LRIG2: variants seen among roughly 807,000 people sequenced by gnomAD.
The protein encoded by LRIG2 is leucine-rich repeats and immunoglobulin-like domains protein 2.
A neutral mutation model predicts 107.8 loss-of-function variants in LRIG2; 93 were observed. The ratio of observed to expected loss-of-function variants is 0.86; its 90% confidence interval spans 0.73 to 1.03. The LOEUF (loss-of-function observed/expected upper bound fraction) is 1.03, where lower values mean the gene tolerates loss of function less well. Ranked by LOEUF, LRIG2 falls within the 50% of genes least tolerant of loss-of-function variation. LRIG2 has a pLI of 0.00. For missense variants in LRIG2, 1,226 were observed against 1,296.0 expected (o/e 0.95, Z 0.83); for synonymous variants, 471 against 470.6 (o/e 1.00, Z -0.01).
chr1:113,086,681 T>G (rs1253246157), intron 1 of LRIG2, among the ~76,000 whole-genome samples: 1 of 152,164 alleles, frequency 6.6e-6, no homozygotes, highest in Non-Finnish European at 1.5e-5. Flanking sequence ...AATTTACCCC[T>G]GATGGTACTA....
intron 16 of LRIG2, among the ~76,000 whole-genome samples, chr1:113,116,909 A>G (rs1655042354): frequency 6.6e-6 from 1 of 152,280 alleles, no homozygotes; most frequent in East Asian, 1.9e-4. Flanking sequence ...CAGGAGTTCG[A>G]GGCTGTATTG....
At chr1:113,083,967 C>A (rs566358315) in intron 1 of LRIG2, among the ~76,000 whole-genome samples, 4 of 147,964 alleles carry the variant, frequency 2.7e-5, no homozygotes, top group South Asian at 2.2e-4. Flanking sequence ...CAAACCTGCA[C>A]GTTGTGCACA....
Position 113,116,316 on chromosome 1 carries a change from A to G in LRIG2, c.2560A>G (p.Ser854Gly). Residue 854 changes from serine to glycine, a missense_variant, in exon 16 of 18, where the codon AGC becomes GGC. Coordinates refer to ENST00000361127, the MANE Select transcript of LRIG2 (RefSeq NM_014813.3). The stretch of plus-strand genomic sequence containing the variant: ...GCTCAATCTGCCTGCAGACATTCCC[A>G]GCTACTTGTCTTCCCAAGGAACGCT... ...EELNLPADIP[S>G]YLSSQGTLSE... 1 of 1,613,866 alleles carries G rather than the reference A, an allele frequency of 6.2e-7. No homozygotes were observed. The highest frequency in any genetic ancestry group is 1.1e-5 in the South Asian group (1 of 91,014).
intron 8 of LRIG2, among the ~76,000 whole-genome samples, chr1:113,097,085 G>T (rs1047000872): frequency 2.6e-5 from 4 of 151,896 alleles, no homozygotes; most frequent in Admixed American, 1.3e-4. Flanking sequence ...GGATTAGATG[G>T]TTGCTAAAGG....
chr1:113,119,277 G>A lies in LRIG2; in HGVS notation c.2725G>A (p.Ala909Thr), dbSNP rs1233827539. 2.5e-6 allele frequency: 4 copies of A among 1,613,940 alleles called. No individual in the cohort carries two copies. Among genetic ancestry groups the A allele is most frequent in the Non-Finnish European group, 3.4e-6 (4 of 1,179,996 alleles). ...RVICSDCYDN[A>T]NIYSRTREYC... ...GATTTGCTCAGATTGTTATGACAAT[G>A]CCAACATCTACTCCAGGACCCGAGA... The change falls in exon 17 of 18, where the codon GCC becomes ACC. Residue 909 changes from alanine (A) to threonine (T), a missense_variant. Physicochemically the swap from Ala to Thr is moderately conservative, Grantham distance 58 (BLOSUM62 0). This residue lies in a region of LRIG2 where 642 missense variants were observed against 712.2 expected (regional missense o/e 0.90). Transcript: ENST00000361127.
At chr1:113,075,682 G>A (rs1317909770) in intron 1 of LRIG2, among the ~76,000 whole-genome samples, 1 of 144,868 alleles carries the variant, frequency 6.9e-6, no homozygotes, top group Non-Finnish European at 1.5e-5. Flanking sequence ...TGGAATGAAT[G>A]TGGCCTATAC....
At chr1:113,089,698 T>TTTTTG (rs1351949299) in intron 1 of LRIG2, among the ~76,000 whole-genome samples, 11 of 144,590 alleles carry the variant, frequency 7.6e-5, no homozygotes, top group East Asian at 4.0e-4. Context: ...TTTTTTTTTT[T>TTTTTG]GGAGACAGAG....
At chr1:113,118,787 C>T (rs1010034996) in intron 16 of LRIG2, among the ~76,000 whole-genome samples, 1 of 152,100 alleles carries the variant, frequency 6.6e-6, no homozygotes, top group African/African-American at 2.4e-5. Flanking sequence ...GCCTCAGCCT[C>T]CCGAGTAGCT....
At chr1:113,105,053 G>C (rs1213311726) in intron 11 of LRIG2, among the ~76,000 whole-genome samples, 1 of 152,124 alleles carries the variant, frequency 6.6e-6, no homozygotes, top group African/African-American at 2.4e-5. Flanking sequence ...GGCTGAGGCA[G>C]GAGAATTGCT....
intron 1 of LRIG2, 128 bp from the exon 2 acceptor site, chr1:113,091,190 C>G: frequency 1.9e-6 from 1 of 519,778 alleles, no homozygotes; most frequent in South Asian, 3.4e-5. Flanking sequence ...TCCCCAAGTG[C>G]CAGGATTACA....
chr1:113,083,099 C>T (rs1280236293), intron 1 of LRIG2, among the ~76,000 whole-genome samples: 1 of 151,828 alleles, frequency 6.6e-6, no homozygotes, highest in African/African-American at 2.4e-5. Context: ...TTTATAGAGA[C>T]AGGGTCTCGC....
In LRIG2 at chr1:113,114,680, C is replaced by A. The variant is rs1309461406; in HGVS notation, c.2334C>A (p.His778Gln). ...MSNTLGTERG[H>Q]IYLNVISSPN... ...ACACCCTTGGGACAGAACGTGGCCA[C>A]ATTTACCTAAATGTCATTTCATCCC... The change falls in exon 15 of 18, where the codon CAC becomes CAA. Residue 778 changes from histidine (H) to glutamine (Q), a missense_variant. His to Gln is a conservative substitution (Grantham distance 24). Coordinates refer to ENST00000361127, the MANE Select transcript of LRIG2 (RefSeq NM_014813.3). 6.2e-7 allele frequency: 1 copy of A among 1,614,016 alleles called. No individual in the cohort carries two copies. Among genetic ancestry groups the A allele is most frequent in the Non-Finnish European group, 8.5e-7 (1 of 1,180,046 alleles).
At chr1:113,077,269 C>T (rs1013930062) in intron 1 of LRIG2, among the ~76,000 whole-genome samples, 6 of 151,886 alleles carry the variant, frequency 4.0e-5, no homozygotes, top group African/African-American at 9.7e-5. Flanking sequence ...CTCAGCTTCC[C>T]GAGTAGGGAT....
chr1:113,102,877 A>G (rs1466040682), intron 11 of LRIG2, among the ~76,000 whole-genome samples: 1 of 152,200 alleles, frequency 6.6e-6, no homozygotes, highest in Non-Finnish European at 1.5e-5. Flanking sequence ...TATGAAAATC[A>G]TCATAGTTAT....
intron 9 of LRIG2, among the ~76,000 whole-genome samples, chr1:113,099,991 TTAA>T (rs1394817004): frequency 6.6e-5 from 10 of 152,224 alleles, no homozygotes; most frequent in African/African-American, 2.4e-4. Flanking sequence ...TTTGCATTGA[TTAA>T]TAATTAAATT....
At chr1:113,115,530 T>TA (rs200327196) in intron 15 of LRIG2, among the ~76,000 whole-genome samples, 183 of 4,002 alleles carry the variant, frequency 0.046, 3 homozygotes, top group African/African-American at 0.11. Flanking sequence ...AATTTGTAAA[T>TA]TTTTTTTTTT....
Position 113,112,712 on chromosome 1 carries a change from C to G in LRIG2, c.2032C>G (p.Gln678Glu). The G allele has an allele frequency of 1.2e-6, 2 of 1,610,814 alleles. No individual in the cohort carries two copies. Among genetic ancestry groups the G allele is most frequent in the Non-Finnish European group, 1.7e-6 (2 of 1,177,108 alleles). Reference sequence around the variant, plus strand: ...TATGGGAATCTATAGCTGCATGGCACAAAATACAGCAGGAGGTCTCTCAGC... The same window carrying G: ...TATGGGAATCTATAGCTGCATGGCAGAAAATACAGCAGGAGGTCTCTCAGC... ...EDMGIYSCMA[Q>E]NTAGGLSANA... Residue 678 changes from glutamine to glutamate, a missense_variant, in exon 14 of 18, where the codon CAA becomes GAA. Transcript: ENST00000361127.
rs1289479877 is a variant in LRIG2, at chr1:113,126,564, T to G, written c.*2463T>G. ...CAGCCTTCCATTATTAAGGATAAAA[T>G]TGATCCCTACATTGAATCTGAAATT... On this transcript the variant is annotated 3_prime_UTR_variant, in exon 18 of 18. Coordinates refer to ENST00000361127, the MANE Select transcript of LRIG2 (RefSeq NM_014813.3). 6.6e-6 allele frequency: 1 copy of G among 152,244 alleles called. No homozygotes were observed. Among genetic ancestry groups the G allele is most frequent in the Non-Finnish European group, 1.5e-5 (1 of 68,038 alleles). The allele number at this position is 152,244 out of a possible 1,614,324, so 9.4% of individuals were successfully genotyped here. A position where few individuals can be genotyped will look rare whatever the true frequency, so the allele number is the denominator to read the frequency against.
Position 113,119,381 on chromosome 1 carries a change from A to G in LRIG2, c.2829A>G (p.Lys943=). The G allele has an allele frequency of 6.2e-7, 1 of 1,614,030 alleles. No individual in the cohort carries two copies. The highest frequency in any genetic ancestry group is 8.5e-7 in the Non-Finnish European group (1 of 1,180,028). Residue 943 remains lysine, a synonymous_variant, in exon 17 of 18, where the codon AAA becomes AAG. Transcript: ENST00000361127. The part of the protein sequence containing the change: ...TLSSLMVQMP[K]ETYLVHPPQD... Reference sequence around the variant, plus strand: ...CCAGCCTCATGGTCCAAATGCCTAAAGAGACATATTTAGTACATCCTCCCC... The same window carrying G: ...CCAGCCTCATGGTCCAAATGCCTAAGGAGACATATTTAGTACATCCTCCCC...
Sources: allele counts gnomAD v4.1 joint callset (sites outside exome capture counted in the v4.1 genomes callset), GRCh38; gene constraint gnomAD v4.1.1; regional missense constraint gnomAD v4.1.1; transcripts MANE v1.5; gene names NCBI Gene and HGNC (gene_info 2026-07-23, HGNC 2026-07-21).